GSTO2: variants seen among roughly 807,000 people sequenced by gnomAD.
GSTO2 encodes glutathione S-transferase omega-2.
A neutral mutation model predicts 28.4 loss-of-function variants in GSTO2; 23 were observed. The observed-to-expected ratio is 0.81, with a 90% CI of 0.58 to 1.15. The LOEUF (loss-of-function observed/expected upper bound fraction) is 1.15. Ranked by LOEUF, GSTO2 falls within the 50% of genes most tolerant of loss-of-function variation. The pLI is 0.00. For synonymous variants in GSTO2, 109 were observed against 111.0 expected, an observed-to-expected ratio of 0.98 and a Z score of 0.11; for missense variants, 298 against 297.8, an observed-to-expected ratio of 1.00 and a Z score of 0.00.
rs397787244 is a variant in GSTO2 at position 104,293,563 on chromosome 10, A to ATTTTTTTT, written c.469-4000_469-3993dup. Among the ~76,000 whole-genome samples the ATTTTTTTT allele has an allele frequency of 4.6e-3, 378 of 81,600 alleles. 42 individuals are homozygous for ATTTTTTTT. Among genetic ancestry groups the ATTTTTTTT allele is most frequent in the African/African-American group, 0.018 (290 of 16,218 alleles). 53.5% of individuals were successfully genotyped at this position (81,600 alleles called of 152,430 possible). A position where few individuals can be genotyped will look rare whatever the true frequency, so the allele number is the denominator to read the frequency against. Reference sequence around the variant, plus strand: ...AGGCATGAGCCACTGCGCCTGGCCAATTTTTTTTTTTTTTTTTTTTTTGCG... The same window carrying ATTTTTTTT: ...AGGCATGAGCCACTGCGCCTGGCCAATTTTTTTTTTTTTTTTTTTTTTTTTTTTTTGCG... On this transcript the variant is annotated intron_variant, in intron 5 of 6. Coordinates refer to ENST00000338595, the MANE Select transcript of GSTO2 (RefSeq NM_183239.2).
At chr10:104,271,216 G>T (rs189430369) in intron 1 of GSTO2, among the ~76,000 whole-genome samples, 14 of 152,336 alleles carry the variant, frequency 9.2e-5, no homozygotes, top group Non-Finnish European at 1.9e-4. Flanking sequence ...CTGAAATGGA[G>T]TCTGCAGCAT....
intron 5 of GSTO2, chr10:104,291,506 T>G (rs2012765203): frequency 6.6e-6 from 1 of 152,292 alleles, no homozygotes; most frequent in Non-Finnish European, 1.5e-5. Flanking sequence ...ATCCTCCGGT[T>G]GAACGTTCTT....
intron 2 of GSTO2, 90 bp downstream of exon 2, chr10:104,275,039 A>G (rs1276233992): frequency 6.6e-7 from 1 of 1,505,402 alleles, no homozygotes; most frequent in Non-Finnish European, 8.9e-7. Context: ...TGGCCTGCAG[A>G]CCGGCGGGGC....
chr10:104,299,773 G>A lies in GSTO2; in HGVS notation c.*489G>A. ...ATTACAGGCATGAGCCACCTGGCCTGCCTAGCCTGTAGCTTCTAACTATTT... is the reference window on the plus strand; with the variant it reads ...ATTACAGGCATGAGCCACCTGGCCTACCTAGCCTGTAGCTTCTAACTATTT... On this transcript the variant is annotated 3_prime_UTR_variant, in exon 7 of 7. Transcript: ENST00000338595. The A allele has an allele frequency of 6.1e-6, 1 of 163,270 alleles. No individual in the cohort carries two copies. 10.1% of individuals were successfully genotyped at this position (163,270 alleles called of 1,614,324 possible).
At position 104,304,612 on chromosome 10, in the gene GSTO2, C is replaced by T. The variant is rs965891689; in HGVS notation, c.*5328C>T. 2.0e-5 allele frequency: 3 copies of T among 152,194 alleles called. No individual in the cohort carries two copies. Among genetic ancestry groups the T allele is most frequent in the Non-Finnish European group, 4.4e-5 (3 of 68,052 alleles). The allele number at this position is 152,194 out of a possible 1,614,324, so 9.4% of individuals were successfully genotyped here. On this transcript the variant is annotated 3_prime_UTR_variant, in exon 7 of 7. Coordinates refer to ENST00000338595, the MANE Select transcript of GSTO2 (RefSeq NM_183239.2). The stretch of plus-strand genomic sequence containing the variant: ...AATGATGGTCTCATCTATGCAAGGG[C>T]TTAGTACCAGCTGGGTGAAACTCAG...
chr10:104,286,669 G>A (rs1287974558), intron 5 of GSTO2, among the ~76,000 whole-genome samples: 1 of 152,098 alleles, frequency 6.6e-6, no homozygotes, highest in Non-Finnish European at 1.5e-5. Flanking sequence ...AGGATGCCTC[G>A]TTAAGTGTAT....
chr10:104,292,993 T>G (rs2012849158), intron 5 of GSTO2, among the ~76,000 whole-genome samples: 1 of 152,248 alleles, frequency 6.6e-6, no homozygotes, highest in Non-Finnish European at 1.5e-5. Flanking sequence ...TGCAAGGGAC[T>G]TGTTTTAAAT....
rs397787244 is a variant in GSTO2, at chr10:104,293,563, A to ATTTTTT, written c.469-3998_469-3993dup. On this transcript the variant is annotated intron_variant, in intron 5 of 6. Coordinates refer to ENST00000338595, the MANE Select transcript of GSTO2 (RefSeq NM_183239.2). ...AGGCATGAGCCACTGCGCCTGGCCA[A>ATTTTTT]TTTTTTTTTTTTTTTTTTTTTTGCG... 1.4e-3 allele frequency among the ~76,000 whole-genome samples: 112 copies of ATTTTTT among 81,630 alleles called. 17 individuals are homozygous for ATTTTTT. Among genetic ancestry groups the ATTTTTT allele is most frequent in the African/African-American group, 5.4e-3 (87 of 16,244 alleles). 53.6% of individuals were successfully genotyped at this position (81,630 alleles called of 152,430 possible).
At chr10:104,271,559 C>G (rs751687774) in intron 1 of GSTO2, among the ~76,000 whole-genome samples, 7 of 152,218 alleles carry the variant, frequency 4.6e-5, no homozygotes, top group Non-Finnish European at 7.3e-5. Flanking sequence ...AGTGCCAAAG[C>G]TGGGTCTCAA....
chr10:104,288,779 G>A (rs141209214), intron 5 of GSTO2, among the ~76,000 whole-genome samples: 25 of 152,280 alleles, frequency 1.6e-4, no homozygotes, highest in African/African-American at 3.1e-4. Context: ...CTTTTAAAGC[G>A]TTCCTTGTAT....
intron 1 of GSTO2, among the ~76,000 whole-genome samples, chr10:104,270,292 C>T (rs2011331348): frequency 6.6e-6 from 1 of 152,218 alleles, no homozygotes; most frequent in African/African-American, 2.4e-5. Flanking sequence ...GGATTACAGG[C>T]GTGAGCCACC....
chr10:104,283,407 C>T (rs1417845039), intron 5 of GSTO2, among the ~76,000 whole-genome samples: 1 of 152,180 alleles, frequency 6.6e-6, no homozygotes. Context: ...GGGAGGATCA[C>T]CTGAGGCCAG....
chr10:104,284,236 C>T lies in GSTO2; in HGVS notation c.468+4765C>T, dbSNP rs981835040. ...TTAGTTGGATGTGGTGATGCATACC[C>T]GTGGTCCCTGCTACTTGGGAGGCTG... On this transcript the variant is annotated intron_variant, in intron 5 of 6. Transcript: ENST00000338595. Among the ~76,000 whole-genome samples, 4 of 151,880 alleles carry T rather than the reference C, an allele frequency of 2.6e-5. No individual in the cohort carries two copies. The South Asian group carries it at 6.2e-4, about 24-fold the overall frequency.
intron 1 of GSTO2, 86 bp from the exon 2 acceptor site, chr10:104,274,599 G>A (rs1167506799): frequency 6.4e-6 from 3 of 470,862 alleles, no homozygotes; most frequent in African/African-American, 2.1e-5. Context: ...TTGATGTAGA[G>A]GAGGCCCCTC....
intron 2 of GSTO2, 43 bp from the exon 3 acceptor site, chr10:104,275,183 C>T (rs941816362): frequency 3.8e-5 from 59 of 1,572,824 alleles, no homozygotes; most frequent in Admixed American, 3.6e-4. Flanking sequence ...ACCGGGCTGA[C>T]TAGCCTCTCC....
In GSTO2 at chr10:104,299,209, T is replaced by C; in HGVS notation, c.657T>C (p.Asp219=). The change falls in exon 7 of 7, where the codon GAT becomes GAC. Residue 219 remains aspartate (D), a synonymous_variant. Coordinates refer to ENST00000338595, the MANE Select transcript of GSTO2 (RefSeq NM_183239.2). ...WDPTVCALLM[D]KSIFQGFLNL... ...CCACAGTCTGTGCTCTTCTCATGGA[T>C]AAGAGCATTTTCCAGGGCTTCTTGA... 6.2e-7 allele frequency: 1 copy of C among 1,614,016 alleles called. No homozygotes were observed. The highest frequency in any genetic ancestry group is 2.2e-5 in the East Asian group (1 of 44,882).
rs972231841 is a variant in GSTO2 at position 104,304,004 on chromosome 10, C to G, written c.*4720C>G. On this transcript the variant is annotated 3_prime_UTR_variant, in exon 7 of 7. Transcript: ENST00000338595. ...TGTTTCCTTTGTCAGAGTCATTGGCCTTGATGGAGGGGAGACTGGGTTACT... is the reference window on the plus strand; with the variant it reads ...TGTTTCCTTTGTCAGAGTCATTGGCGTTGATGGAGGGGAGACTGGGTTACT... The G allele has an allele frequency of 6.6e-6, 1 of 152,166 alleles. No individual in the cohort carries two copies. Among genetic ancestry groups the G allele is most frequent in the Non-Finnish European group, 1.5e-5 (1 of 68,050 alleles). The allele number at this position is 152,166 out of a possible 1,614,324, so 9.4% of individuals were successfully genotyped here.
chr10:104,276,670 C>T (rs1016990004), intron 3 of GSTO2, among the ~76,000 whole-genome samples: 1 of 152,128 alleles, frequency 6.6e-6, no homozygotes, highest in Admixed American at 6.5e-5. Context: ...TTAGGTCTTG[C>T]TATGTGGCCT....
rs1229581569 is a variant in GSTO2, at chr10:104,302,967, C to T, written c.*3683C>T. ...TTTAAAAACACTTTTATTTTAAGTT[C>T]AGGGGTACATGTGCAGGATGTGCAG... On this transcript the variant is annotated 3_prime_UTR_variant, in exon 7 of 7. Coordinates refer to ENST00000338595, the MANE Select transcript of GSTO2 (RefSeq NM_183239.2). 6.6e-6 allele frequency: 1 copy of T among 152,158 alleles called. No individual in the cohort carries two copies. The allele number at this position is 152,158 out of a possible 1,614,324, so 9.4% of individuals were successfully genotyped here.
Sources: allele counts gnomAD v4.1 joint callset (sites outside exome capture counted in the v4.1 genomes callset), GRCh38; gene constraint gnomAD v4.1.1; transcripts MANE v1.5; gene names NCBI Gene and HGNC (gene_info 2026-07-23, HGNC 2026-07-21).